The following DLG2 variants were observed in gnomAD, a reference collection of about 807,000 sequenced individuals.
DLG2 encodes discs large MAGUK scaffold protein 2, also known as disks large homolog 2.
DLG2 carries 45 observed loss-of-function variants against 132.5 expected under a neutral mutation model. That is an observed-to-expected ratio of 0.34 (90% CI 0.27 to 0.44). The LOEUF is 0.44. DLG2 is among the 20% of genes least tolerant of loss of function. DLG2 has a pLI of 1.00. For synonymous variants in DLG2, 424 were observed against 419.6 expected (o/e 1.01, Z -0.13); for missense variants, 1,045 against 1,196.9 (o/e 0.87, Z 1.87).
chr11:84,783,858 T>A (rs1490839104), intron 6 of DLG2, among the ~76,000 whole-genome samples: 1 of 152,116 alleles, frequency 6.6e-6, no homozygotes, highest in African/African-American at 2.4e-5. Context: ...TTTAGCTCAG[T>A]AAACATATAT....
At chr11:84,333,326 T>G (rs2098469487) in intron 7 of DLG2, among the ~76,000 whole-genome samples, 1 of 152,230 alleles carries the variant, frequency 6.6e-6, no homozygotes, top group Admixed American at 6.5e-5. Flanking sequence ...TGCTTTTGCT[T>G]TAAATTAGGT....
chr11:83,623,521 G>T (rs1291720717), intron 19 of DLG2, among the ~76,000 whole-genome samples: 1 of 152,216 alleles, frequency 6.6e-6, no homozygotes, highest in Non-Finnish European at 1.5e-5. Context: ...GGAGGGAGCA[G>T]GTGAGTCAAC....
intron 7 of DLG2, among the ~76,000 whole-genome samples, chr11:84,300,383 T>C (rs2098138547): frequency 6.6e-6 from 1 of 152,242 alleles, no homozygotes; most frequent in Non-Finnish European, 1.5e-5. Context: ...TTCAGCTCTT[T>C]TCCTTCCAGA....
At chr11:84,703,883 T>TATATATATATATATAC (rs1555174924) in intron 6 of DLG2, among the ~76,000 whole-genome samples, 5 of 119,916 alleles carry the variant, frequency 4.2e-5, no homozygotes, top group African/African-American at 1.7e-4. Flanking sequence ...TATATATATA[T>TATATATATATATATAC]ACACGTGTGT....
chr11:84,775,098 C>G (rs2153896612), intron 6 of DLG2, among the ~76,000 whole-genome samples: 1 of 152,038 alleles, frequency 6.6e-6, no homozygotes, highest in Middle Eastern at 3.4e-3. Flanking sequence ...AAGCTAATAA[C>G]CTCATTAAAA....
intron 6 of DLG2, among the ~76,000 whole-genome samples, chr11:84,616,394 C>T (rs1428413885): frequency 6.6e-6 from 1 of 151,930 alleles, no homozygotes. Context: ...ATTGAATAGG[C>T]AGGGGAACTG....
At chr11:85,472,015 A>G (rs2092999569) in intron 3 of DLG2, among the ~76,000 whole-genome samples, 1 of 152,220 alleles carries the variant, frequency 6.6e-6, no homozygotes, top group Non-Finnish European at 1.5e-5. Context: ...ACAAATTCCT[A>G]GGCAGACAAG....
intron 4 of DLG2, among the ~76,000 whole-genome samples, chr11:85,230,029 G>A (rs1256778762): frequency 6.6e-6 from 1 of 151,992 alleles, no homozygotes; most frequent in Non-Finnish European, 1.5e-5. Context: ...ACCTAATGTA[G>A]ATGATGGGTT....
At chr11:85,181,142 TTCTC>T (rs909811911) in intron 4 of DLG2, among the ~76,000 whole-genome samples, 3 of 151,644 alleles carry the variant, frequency 2.0e-5, no homozygotes, top group African/African-American at 7.3e-5. Context: ...AAGAAATAAT[TTCTC>T]TCTTCTTTCA....
At chr11:84,511,932 C>T (rs1565152296) in intron 7 of DLG2, among the ~76,000 whole-genome samples, 1 of 152,064 alleles carries the variant, frequency 6.6e-6, no homozygotes, top group African/African-American at 2.4e-5. Context: ...CACAACAACC[C>T]TTTGAGGTAG....
chr11:84,426,474 C>G (rs1364534524), intron 7 of DLG2, among the ~76,000 whole-genome samples: 2 of 152,080 alleles, frequency 1.3e-5, no homozygotes, highest in East Asian at 3.9e-4. Context: ...ATTAATTGAC[C>G]TTTCTTTGCC....
intron 18 of DLG2, among the ~76,000 whole-genome samples, chr11:83,723,728 TG>T (rs2089303864): frequency 6.6e-6 from 1 of 152,024 alleles, no homozygotes; most frequent in South Asian, 2.1e-4. Flanking sequence ...TGGTGGCACA[TG>T]GCTGTAGTCT....
intron 5 of DLG2, among the ~76,000 whole-genome samples, chr11:85,121,618 T>C (rs1275435109): frequency 1.3e-5 from 2 of 152,092 alleles, no homozygotes; most frequent in African/African-American, 2.4e-5. Context: ...TGGTTTATCA[T>C]AGATGTGATT....
chr11:84,829,927 T>G (rs2078815057), intron 6 of DLG2, among the ~76,000 whole-genome samples: 1 of 151,676 alleles, frequency 6.6e-6, no homozygotes, highest in South Asian at 2.1e-4. Flanking sequence ...ATTTACAACA[T>G]AAGTCCAAAG....
intron 18 of DLG2, among the ~76,000 whole-genome samples, chr11:83,754,625 T>C (rs2093574797): frequency 6.6e-6 from 1 of 151,386 alleles, no homozygotes; most frequent in Non-Finnish European, 1.5e-5. Flanking sequence ...CCTGCCTTTC[T>C]GGCCTGTGAC....
At chr11:84,962,975 T>C (rs571248697) in intron 6 of DLG2, among the ~76,000 whole-genome samples, 16 of 152,306 alleles carry the variant, frequency 1.1e-4, no homozygotes, top group African/African-American at 3.6e-4. Flanking sequence ...TTGAAGTAGT[T>C]AGAGAGACTC....
At chr11:83,518,203 C>T (rs1368219886) in intron 21 of DLG2, among the ~76,000 whole-genome samples, 1 of 152,224 alleles carries the variant, frequency 6.6e-6, no homozygotes, top group Admixed American at 6.5e-5. Context: ...TGTTTACCTA[C>T]TCAAGCCTTG....
intron 8 of DLG2, among the ~76,000 whole-genome samples, chr11:84,185,158 G>C (rs1454943692): frequency 6.6e-6 from 1 of 151,988 alleles, no homozygotes; most frequent in African/African-American, 2.4e-5. Flanking sequence ...AAATTACCCT[G>C]GGCAGTATGG....
intron 25 of DLG2, among the ~76,000 whole-genome samples, chr11:83,467,771 GTATA>G (rs1192401405): frequency 0.019 from 1,629 of 84,828 alleles, 55 homozygotes; most frequent in African/African-American, 0.045. Flanking sequence ...AAAACTATAT[GTATA>G]TATATATATA....
Sources: allele counts gnomAD v4.1 joint callset (sites outside exome capture counted in the v4.1 genomes callset), GRCh38; gene constraint gnomAD v4.1.1; transcripts MANE v1.5; gene names NCBI Gene and HGNC (gene_info 2026-07-23, HGNC 2026-07-21).